Variants in SMAP1 observed in about 807,000 individuals in gnomAD.
SMAP1 encodes stromal membrane-associated protein 1.
Under a neutral mutation model 58.5 loss-of-function variants are expected in SMAP1, and 24 were observed. The ratio of observed to expected loss-of-function variants is 0.41; its 90% CI spans 0.30 to 0.58. The LOEUF is 0.58. Ranked by LOEUF, SMAP1 falls within the 20% of genes least tolerant of loss-of-function variation. SMAP1 has a pLI of 0.29. For missense variants in SMAP1, 563 were observed against 566.3 expected (o/e 0.99, Z 0.06); for synonymous variants, 216 against 196.6 (o/e 1.10, Z -0.82).
intron 6 of SMAP1, among the ~76,000 whole-genome samples, chr6:70,827,655 G>T (rs1034228617): frequency 9.9e-5 from 15 of 152,218 alleles, no homozygotes; most frequent in African/African-American, 3.1e-4. Context: ...GAGAATGGAC[G>T]TGTAAGAGAG....
chr6:70,836,282 T>G (rs549359231), intron 6 of SMAP1, among the ~76,000 whole-genome samples: 173 of 152,256 alleles, frequency 1.1e-3, no homozygotes, highest in East Asian at 1.5e-3. Flanking sequence ...TCACATCTTA[T>G]GTGAATGGCA....
rs764635635 is a variant in SMAP1 at position 70,837,827 on chromosome 6, A to AG, written c.664+800dup. The AG allele has an allele frequency of 4.7e-6, 6 of 1,277,268 alleles. No individual in the cohort carries two copies. The South Asian group carries it at 8.0e-5, about 17-fold the overall frequency. The allele number at this position is 1,277,268 out of a possible 1,614,324, so 79.1% of individuals were successfully genotyped here. A position where few individuals can be genotyped will look rare whatever the true frequency, so the allele number is the denominator to read the frequency against. On this transcript the variant is annotated intron_variant, in intron 7 of 10. Coordinates refer to ENST00000370455, the MANE Select transcript of SMAP1 (RefSeq NM_001044305.3). ...AAAAGAGTGAAAGGCAGTTAGTTGA[A>AG]GTGGAAGAGTTGACCTTCATGTACT...
intron 6 of SMAP1, among the ~76,000 whole-genome samples, chr6:70,825,632 CAA>C (rs573993393): frequency 8.5e-4 from 130 of 152,262 alleles, no homozygotes; most frequent in African/African-American, 3.0e-3. Context: ...TTACCATTGT[CAA>C]GAGAGGAACC....
At chr6:70,781,201 A>G (rs1211725940) in intron 4 of SMAP1, among the ~76,000 whole-genome samples, 1 of 152,144 alleles carries the variant, frequency 6.6e-6, no homozygotes, top group Non-Finnish European at 1.5e-5. Context: ...AGAATTCTAC[A>G]TATTTCTTAT....
At chr6:70,821,776 A>G (rs1217178557) in intron 6 of SMAP1, among the ~76,000 whole-genome samples, 1 of 152,170 alleles carries the variant, frequency 6.6e-6, no homozygotes, top group Non-Finnish European at 1.5e-5. Flanking sequence ...AGAAGAAGAA[A>G]CCCGCCAGAG....
chr6:70,831,890 A>C (rs1770373239), intron 6 of SMAP1, among the ~76,000 whole-genome samples: 1 of 152,162 alleles, frequency 6.6e-6, no homozygotes, highest in African/African-American at 2.4e-5. Flanking sequence ...CCAGCAGTGT[A>C]TATGTGTTCC....
Position 70,758,301 on chromosome 6 carries a change from A to G in SMAP1, c.338+3236A>G, listed in dbSNP as rs1334901033. ...AACCAAACACTGCATATTCTCACTT[A>G]TAGGTGGGAACTGAACAATGAGATC... is the stretch of plus-strand genomic sequence containing the variant. On this transcript the variant is annotated intron_variant, in intron 3 of 10. Coordinates refer to ENST00000370455, the MANE Select transcript of SMAP1 (RefSeq NM_001044305.3). Among the ~76,000 whole-genome samples the G allele has an allele frequency of 2.0e-5, 3 of 148,238 alleles. No homozygotes were observed. In the Admixed American group the frequency reaches 2.1e-4, roughly 10 times the overall value.
chr6:70,852,662 C>G lies in SMAP1; in HGVS notation c.787C>G (p.Gln263Glu). The change falls in exon 8 of 11, where the codon CAG (glutamine) becomes GAG (glutamate). Residue 263 changes from glutamine (Q) to glutamate (E), a missense_variant and splice_region_variant. Physicochemically the swap from Gln to Glu is conservative, Grantham distance 29. Transcript: ENST00000370455. ...PLPATVMPPA[Q>E]GTPSAPAAAT... ...ACCTGCAACTGTCATGCCCCCAGCT[C>G]AGGTATGTGATAAGAATATGGTTTT... is the stretch of plus-strand genomic sequence containing the variant. 2 of 1,595,950 alleles carry G rather than the reference C, an allele frequency of 1.3e-6. No homozygotes were observed. Among genetic ancestry groups the G allele is most frequent in the Non-Finnish European group, 1.7e-6 (2 of 1,172,842 alleles).
intron 4 of SMAP1, among the ~76,000 whole-genome samples, chr6:70,783,952 C>A (rs374311718): frequency 6.7e-6 from 1 of 150,250 alleles, no homozygotes; most frequent in Non-Finnish European, 1.5e-5. Context: ...ATACAGAGAA[C>A]GCCACAAAGA....
At chr6:70,835,251 CAAAAAAAAAAAAA>C (rs778677881) in intron 6 of SMAP1, among the ~76,000 whole-genome samples, 1 of 57,950 alleles carries the variant, frequency 1.7e-5, no homozygotes, top group South Asian at 6.8e-4. Flanking sequence ...GACTCCGTCT[CAAAAAAAAAAAAA>C]AAAAAAAAAG....
chr6:70,767,917 T>TA (rs1767073128), intron 3 of SMAP1, among the ~76,000 whole-genome samples: 2 of 145,864 alleles, frequency 1.4e-5, no homozygotes, highest in South Asian at 2.3e-4. Context: ...TATTTTGAGA[T>TA]ACGTCCCACC....
At chr6:70,842,756 C>G (rs370589060) in intron 7 of SMAP1, among the ~76,000 whole-genome samples, 37 of 152,264 alleles carry the variant, frequency 2.4e-4, no homozygotes, top group Admixed American at 1.3e-3. Context: ...CCAGCTTCCT[C>G]TTTGCTTCTC....
intron 10 of SMAP1, chr6:70,859,307 T>TAATA: frequency 6.5e-7 from 1 of 1,532,838 alleles, no homozygotes. Context: ...AGGAAGGAGT[T>TAATA]AATACTGGCT....
chr6:70,787,038 G>C (rs1376197142), intron 4 of SMAP1, among the ~76,000 whole-genome samples: 1 of 152,122 alleles, frequency 6.6e-6, no homozygotes, highest in Non-Finnish European at 1.5e-5. Flanking sequence ...CACGCTACCT[G>C]ACTTCAAACT....
At chr6:70,801,365 T>TGTTTG (rs1445268461) in intron 6 of SMAP1, among the ~76,000 whole-genome samples, 3 of 150,762 alleles carry the variant, frequency 2.0e-5, no homozygotes, top group Non-Finnish European at 4.5e-5. Context: ...TTGATGTGGT[T>TGTTTG]TTTTTTTCTT....
intron 1 of SMAP1, among the ~76,000 whole-genome samples, chr6:70,697,404 C>T (rs1767449850): frequency 6.6e-6 from 1 of 151,740 alleles, no homozygotes; most frequent in Non-Finnish European, 1.5e-5. Flanking sequence ...CTCCTAGGTT[C>T]AAGCAATTCT....
At chr6:70,824,238 G>C (rs1770017796) in intron 6 of SMAP1, among the ~76,000 whole-genome samples, 1 of 152,124 alleles carries the variant, frequency 6.6e-6, no homozygotes, top group Non-Finnish European at 1.5e-5. Context: ...CTCCCTGCTT[G>C]CTGGACCAGA....
At chr6:70,850,452 T>C (rs1231240941) in intron 7 of SMAP1, among the ~76,000 whole-genome samples, 4 of 152,100 alleles carry the variant, frequency 2.6e-5, no homozygotes, top group East Asian at 3.8e-4. Flanking sequence ...CCGTTTTTTT[T>C]CCTTTTATTT....
At chr6:70,817,133 TA>T (rs1315105934) in intron 6 of SMAP1, among the ~76,000 whole-genome samples, 176 of 146,368 alleles carry the variant, frequency 1.2e-3, no homozygotes, top group African/African-American at 4.3e-3. Context: ...TATATATATA[TA>T]TATATTTTTT....
Sources: gnomAD v4.1 joint callset for allele counts (sites outside exome capture counted in the v4.1 genomes callset) on GRCh38, gnomAD v4.1.1 for gene constraint, MANE v1.5 for transcripts, NCBI Gene and HGNC (gene_info 2026-07-23, HGNC 2026-07-21) for gene names.